The following CPXCR1 variants were observed in gnomAD, a reference collection of about 807,000 sequenced individuals.
CPXCR1 encodes CPX chromosome region candidate 1, also known as CPX chromosomal region candidate gene 1 protein.
CPXCR1 carries 15 observed loss-of-function variants against 13.8 expected under a neutral mutation model. The observed-to-expected ratio is 1.09, with a 90% CI of 0.73 to 1.67. The LOEUF (loss-of-function observed/expected upper bound fraction) is 1.67. CPXCR1 is among the 40% of genes most tolerant of loss of function. The probability of loss-of-function intolerance (pLI) is 0.00; values close to 1 mark genes in which losing one functional copy is unlikely to be tolerated. For missense variants in CPXCR1, 247 were observed against 223.6 expected (o/e 1.10, Z -0.67); for synonymous variants, 70 against 76.7 (o/e 0.91, Z 0.46).
At chrX:88,747,936 A>G (rs1924815288) in intron 1 of CPXCR1, among the ~76,000 whole-genome samples, 1 of 112,244 alleles carries the variant, frequency 8.9e-6, no homozygotes, top group Non-Finnish European at 1.9e-5. Flanking sequence ...ACTACTTTCA[A>G]TATAAAGGAT....
rs1924857558 is a variant in CPXCR1, at chrX:88,749,341, G to C, written c.-91G>C. The C allele has an allele frequency of 9.1e-6, 1 of 109,784 alleles. No individual in the cohort carries two copies. The highest frequency in any genetic ancestry group is 1.9e-5 in the Non-Finnish European group (1 of 52,731). The allele number at this position is 109,784 out of a possible 1,213,427, so 9.0% of individuals were successfully genotyped here. A position where few individuals can be genotyped will look rare whatever the true frequency, so the allele number is the denominator to read the frequency against. On this transcript the variant is annotated 5_prime_UTR_variant, in exon 2 of 3. An upstream start codon of the reference 5' UTR is lost. Transcript: ENST00000276127. Reference sequence around the variant, plus strand: ...AGGGTGCATCTGACAAGCCTTAGATGACCTCCAGCAACTTCAGTTCTCACC... The same window carrying C: ...AGGGTGCATCTGACAAGCCTTAGATCACCTCCAGCAACTTCAGTTCTCACC...
At chrX:88,748,187 TA>T (rs1248605788) in intron 1 of CPXCR1, among the ~76,000 whole-genome samples, 3 of 111,194 alleles carry the variant, frequency 2.7e-5, no homozygotes, top group Non-Finnish European at 5.7e-5. Context: ...ATCAGGCATA[TA>T]CATCTACATT....
At chrX:88,752,905 C>T (rs927712471) in intron 2 of CPXCR1, among the ~76,000 whole-genome samples, 5 of 111,302 alleles carry the variant, frequency 4.5e-5, no homozygotes, top group Admixed American at 9.6e-5. Context: ...AGGGGAAGAA[C>T]GGCTTGTACC....
At chrX:88,749,716 AC>A (rs1276972159) in intron 2 of CPXCR1, among the ~76,000 whole-genome samples, 3 of 110,387 alleles carry the variant, frequency 2.7e-5, no homozygotes, top group East Asian at 2.8e-4. Context: ...GTACAAAAAA[AC>A]ATAAGTAAAA....
Position 88,747,382 on chromosome X carries a change from T to C in CPXCR1, c.-115+13T>C, listed in dbSNP as rs1924802937. ...ATAAGGGATCTTAGTAAGTGCTTCTTAGCTTGTGTATCCATTTTAGAATAT... is the reference window on the plus strand; with the variant it reads ...ATAAGGGATCTTAGTAAGTGCTTCTCAGCTTGTGTATCCATTTTAGAATAT... On this transcript the variant is annotated intron_variant, in intron 1 of 2. Coordinates refer to ENST00000276127, the MANE Select transcript of CPXCR1 (RefSeq NM_033048.6). 8.9e-6 allele frequency: 1 copy of C among 112,494 alleles called. No homozygotes were observed. The highest frequency in any genetic ancestry group is 1.9e-5 in the Non-Finnish European group (1 of 53,315). The allele number at this position is 112,494 out of a possible 1,213,427, so 9.3% of individuals were successfully genotyped here.
At chrX:88,752,213 G>A (rs899003676) in intron 2 of CPXCR1, among the ~76,000 whole-genome samples, 3 of 111,364 alleles carry the variant, frequency 2.7e-5, no homozygotes, top group East Asian at 5.7e-4. Context: ...GTGTTTGAGC[G>A]GGTAAAAGAC....
intron 2 of CPXCR1, among the ~76,000 whole-genome samples, chrX:88,751,154 G>A (rs780998527): frequency 2.7e-5 from 3 of 110,958 alleles, no homozygotes; most frequent in East Asian, 5.7e-4. Flanking sequence ...TCTTTTAATC[G>A]TGAGGTTAGG....
intron 2 of CPXCR1, 129 bp downstream of exon 2, chrX:88,749,552 A>G (rs1924862621): frequency 9.0e-6 from 1 of 111,017 alleles, no homozygotes; most frequent in Non-Finnish European, 1.9e-5. Context: ...TATTAAAAAC[A>G]TAAAACTCAG....
chrX:88,753,363 C>A, intron 2 of CPXCR1, 44 bp from the exon 3 acceptor site: 1 of 792,749 alleles, frequency 1.3e-6, no homozygotes, highest in Non-Finnish European at 1.7e-6. Context: ...TAAAATGGAA[C>A]ATACATAAAT....
At chrX:88,748,912 C>A (rs1426493622) in intron 1 of CPXCR1, among the ~76,000 whole-genome samples, 1 of 106,706 alleles carries the variant, frequency 9.4e-6, no homozygotes, top group Non-Finnish European at 1.9e-5. Context: ...ACCCTTTTAG[C>A]AATTTTCTTT....
chrX:88,747,803 T>C (rs993656963), intron 1 of CPXCR1, among the ~76,000 whole-genome samples: 1 of 111,940 alleles, frequency 8.9e-6, no homozygotes, highest in African/African-American at 3.2e-5. Flanking sequence ...AGAAGTCTGA[T>C]TGAGCTGATG....
At chrX:88,749,915 C>T (rs550492315) in intron 2 of CPXCR1, among the ~76,000 whole-genome samples, 63 of 108,068 alleles carry the variant, frequency 5.8e-4, no homozygotes, top group Middle Eastern at 4.6e-3. Context: ...GTGATTTTTG[C>T]ACACTGATTT....
intron 1 of CPXCR1, among the ~76,000 whole-genome samples, chrX:88,747,831 A>G (rs2147629742): frequency 8.9e-6 from 1 of 112,174 alleles, no homozygotes; most frequent in East Asian, 2.8e-4. Context: ...AATGTAATTT[A>G]GTGTAAAATA....
chrX:88,754,510 G>T lies in CPXCR1; in HGVS notation c.*190G>T. 1 of 339,331 alleles carries T rather than the reference G, an allele frequency of 2.9e-6. No homozygotes were observed. Among genetic ancestry groups the T allele is most frequent in the South Asian group, 1.2e-4 (1 of 8,575 alleles). The allele number at this position is 339,331 out of a possible 1,213,427, so 28.0% of individuals were successfully genotyped here. On this transcript the variant is annotated 3_prime_UTR_variant, in exon 3 of 3. Coordinates refer to ENST00000276127, the MANE Select transcript of CPXCR1 (RefSeq NM_033048.6). ...GTGAGGAAACATCTGTTTATACTTT[G>T]CTTTTACAAGTACATCATTGAAATA...
intron 1 of CPXCR1, among the ~76,000 whole-genome samples, chrX:88,747,876 T>C (rs1412646212): frequency 4.5e-5 from 5 of 112,208 alleles, no homozygotes; most frequent in African/African-American, 1.6e-4. Flanking sequence ...CATGTCTTTC[T>C]CCAGAGCATG....
rs906483909 is a variant in CPXCR1 at position 88,752,835 on chromosome X, C to A, written c.-8-572C>A. Among the ~76,000 whole-genome samples the A allele has an allele frequency of 5.4e-5, 6 of 111,458 alleles. 1 individual carries two copies. Among genetic ancestry groups the A allele is most frequent in the African/African-American group, 2.0e-4 (6 of 30,673 alleles). ...GTGCTGGGATTACAGGCATGGGACACCGCGCTTGGCCTAGACATTACTTTT... is the reference window on the plus strand; with the variant it reads ...GTGCTGGGATTACAGGCATGGGACAACGCGCTTGGCCTAGACATTACTTTT... On this transcript the variant is annotated intron_variant, in intron 2 of 2. Transcript: ENST00000276127.
At chrX:88,749,517 T>C (rs963200735) in intron 2 of CPXCR1, 94 bp downstream of exon 2, 7 of 110,534 alleles carry the variant, frequency 6.3e-5, no homozygotes, top group Non-Finnish European at 1.1e-4. Flanking sequence ...GAGATGTTTA[T>C]GTAGAGAGAT....
Position 88,753,565 on chromosome X carries a change from A to T in CPXCR1, c.151A>T (p.Arg51Trp). 8.3e-7 allele frequency: 1 copy of T among 1,209,392 alleles called. No homozygotes were observed. The highest frequency in any genetic ancestry group is 1.1e-6 in the Non-Finnish European group (1 of 894,615). Residue 51 changes from arginine (R) to tryptophan (W), a missense_variant, in exon 3 of 3, where the codon AGG (arginine) becomes TGG (tryptophan). Transcript: ENST00000276127. ...IYQVETNPIN[R>W]EPGTATSQED... ...TCAGGTAGAAACCAACCCAATAAAC[A>T]GGGAGCCAGGCACAGCAACCTCCCA...
At chrX:88,751,164 G>C (rs1163009323) in intron 2 of CPXCR1, among the ~76,000 whole-genome samples, 1 of 111,147 alleles carries the variant, frequency 9.0e-6, no homozygotes, top group Non-Finnish European at 1.9e-5. Context: ...GTGAGGTTAG[G>C]GTGCCGATTT....
Sources: gnomAD v4.1 joint callset for allele counts (sites outside exome capture counted in the v4.1 genomes callset) on GRCh38, gnomAD v4.1.1 for gene constraint, MANE v1.5 for transcripts, NCBI Gene and HGNC (gene_info 2026-07-23, HGNC 2026-07-21) for gene names.